Variants in FGF12 observed in about 807,000 individuals in gnomAD.
FGF12 encodes fibroblast growth factor 12, also known as fibroblast growth factor 12B.
Under a neutral mutation model 23.6 loss-of-function variants are expected in FGF12, and 14 were observed. The observed-to-expected ratio is 0.59, with a 90% CI of 0.39 to 0.93. The LOEUF (loss-of-function observed/expected upper bound fraction) is 0.93, where lower values mean the gene tolerates loss of function less well. Among genes scored for constraint, FGF12 ranks in the 40% least tolerant of loss-of-function variants. The pLI is 0.00. For missense variants in FGF12, 175 were observed against 217.8 expected (o/e 0.80, Z 1.24); for synonymous variants, 62 against 77.3 (o/e 0.80, Z 1.04).
chr3:192,344,362 G>C (rs1221052497), intron 3 of FGF12, among the ~76,000 whole-genome samples: 1 of 145,516 alleles, frequency 6.9e-6, no homozygotes, highest in Admixed American at 6.8e-5. Context: ...TGTTATGGGA[G>C]AAAAAAAAAA....
At chr3:192,154,666 C>T (rs1217529701) in intron 5 of FGF12, among the ~76,000 whole-genome samples, 4 of 143,512 alleles carry the variant, frequency 2.8e-5, no homozygotes, top group East Asian at 2.0e-4. Context: ...AGGTAGTCTG[C>T]CCGTTCTCAG....
chr3:192,505,780 T>A (rs1019428678), intron 2 of FGF12, among the ~76,000 whole-genome samples: 2 of 152,170 alleles, frequency 1.3e-5, no homozygotes, highest in African/African-American at 4.8e-5. Context: ...GAATTATAAA[T>A]CTGGGAAGGA....
At chr3:192,515,786 C>T (rs1724648991) in intron 2 of FGF12, among the ~76,000 whole-genome samples, 1 of 151,614 alleles carries the variant, frequency 6.6e-6, no homozygotes, top group Non-Finnish European at 1.5e-5. Flanking sequence ...ACAGCTTCTC[C>T]ATGAGTTTAA....
chr3:192,607,737 T>C (rs74510332), intron 2 of FGF12, among the ~76,000 whole-genome samples: 5,247 of 151,876 alleles, frequency 0.035, 142 homozygotes, highest in Non-Finnish European at 0.058. Context: ...ACTTTGACAA[T>C]TTTTAAAAAG....
intron 2 of FGF12, among the ~76,000 whole-genome samples, chr3:192,571,308 C>A (rs1712623561): frequency 6.6e-6 from 1 of 152,108 alleles, no homozygotes. Context: ...TGAAATCTGC[C>A]CCCTAAAAAA....
chr3:192,207,004 G>A (rs1410808295), intron 4 of FGF12, among the ~76,000 whole-genome samples: 5 of 152,058 alleles, frequency 3.3e-5, no homozygotes, highest in Non-Finnish European at 5.9e-5. Context: ...CATCAGTCGT[G>A]GTGCTAAGTC....
chr3:192,632,612 G>A (rs34373334), intron 2 of FGF12, among the ~76,000 whole-genome samples: 27,063 of 152,110 alleles, frequency 0.18, 3,422 homozygotes, highest in African/African-American at 0.35. Context: ...TTTTAAATTC[G>A]CAGATATTTG....
intron 2 of FGF12, among the ~76,000 whole-genome samples, chr3:192,630,539 C>T (rs998881301): frequency 1.4e-5 from 2 of 139,794 alleles, no homozygotes; most frequent in South Asian, 4.6e-4. Context: ...CACATTGTTG[C>T]TATAAAAAAA....
At chr3:192,144,379 C>A (rs1713576574) in intron 5 of FGF12, among the ~76,000 whole-genome samples, 1 of 151,426 alleles carries the variant, frequency 6.6e-6, no homozygotes, top group African/African-American at 2.4e-5. Context: ...ATAGATAAGG[C>A]TTGAATCTTT....
rs1054093402 is a variant in FGF12, at chr3:192,298,259, G to T, written c.228+37102C>A. Among the ~76,000 whole-genome samples the T allele has an allele frequency of 7.8e-4, 119 of 152,284 alleles. 1 individual carries two copies. Among genetic ancestry groups the T allele is most frequent in the African/African-American group, 2.7e-3 (111 of 41,558 alleles). ...CAAGAAGATGAGAAAAATGTTATCT[G>T]TCCCTTGATCTCATAGAGTTTACAA... is the stretch of plus-strand genomic sequence containing the variant. On this transcript the variant is annotated intron_variant, in intron 4 of 5. Transcript: ENST00000445105.
At chr3:192,448,217 T>G (rs1188131707) in intron 2 of FGF12, among the ~76,000 whole-genome samples, 1 of 152,228 alleles carries the variant, frequency 6.6e-6, no homozygotes, top group Admixed American at 6.5e-5. Flanking sequence ...TGCTTCAGTC[T>G]AGTCATACTG....
intron 2 of FGF12, among the ~76,000 whole-genome samples, chr3:192,405,873 C>T (rs1427420440): frequency 6.6e-6 from 1 of 152,206 alleles, no homozygotes; most frequent in African/African-American, 2.4e-5. Context: ...TTTTTACACA[C>T]ACCACATGCC....
At chr3:192,586,905 T>C (rs930690080) in intron 2 of FGF12, among the ~76,000 whole-genome samples, 75 of 152,332 alleles carry the variant, frequency 4.9e-4, no homozygotes, top group African/African-American at 1.7e-3. Context: ...GTACTTCTTG[T>C]TAGTGTGGTT....
intron 4 of FGF12, among the ~76,000 whole-genome samples, chr3:192,305,714 T>C (rs1057270021): frequency 6.9e-6 from 1 of 144,684 alleles, no homozygotes; most frequent in East Asian, 2.0e-4. Context: ...ATAAATCCTA[T>C]GAAAAACTGT....
chr3:192,513,247 G>A (rs994407053), intron 2 of FGF12, among the ~76,000 whole-genome samples: 1 of 151,980 alleles, frequency 6.6e-6, no homozygotes, highest in African/African-American at 2.4e-5. Context: ...ATCAAAACAC[G>A]AAACTTTAAC....
intron 2 of FGF12, among the ~76,000 whole-genome samples, chr3:192,479,302 G>T (rs1723414519): frequency 2.0e-5 from 3 of 152,146 alleles, no homozygotes; most frequent in Admixed American, 2.0e-4. Flanking sequence ...TATCTCAAAA[G>T]ACAGAGCAGT....
chr3:192,396,006 A>G (rs1210699226), intron 2 of FGF12, among the ~76,000 whole-genome samples: 1 of 152,210 alleles, frequency 6.6e-6, no homozygotes, highest in Non-Finnish European at 1.5e-5. Flanking sequence ...AAGGGTGGAG[A>G]AAGAACCTTG....
intron 2 of FGF12, among the ~76,000 whole-genome samples, chr3:192,452,117 T>C (rs893545372): frequency 1.3e-5 from 2 of 152,162 alleles, no homozygotes; most frequent in African/African-American, 4.8e-5. Flanking sequence ...ACCATTCACT[T>C]TGAGGTAAGC....
intron 4 of FGF12, among the ~76,000 whole-genome samples, chr3:192,278,621 G>A (rs1713948035): frequency 6.6e-6 from 1 of 152,152 alleles, no homozygotes; most frequent in East Asian, 1.9e-4. Flanking sequence ...AAACTCCAAT[G>A]CAAGAGAACA....
Sources: allele counts gnomAD v4.1 joint callset (sites outside exome capture counted in the v4.1 genomes callset), GRCh38; gene constraint gnomAD v4.1.1; transcripts MANE v1.5; gene names NCBI Gene and HGNC (gene_info 2026-07-23, HGNC 2026-07-21).